FOXK2: variants seen among roughly 807,000 people sequenced by gnomAD.
FOXK2 encodes the protein forkhead box protein K2.
A neutral mutation model predicts 53.3 loss-of-function variants in FOXK2; 24 were observed. The observed-to-expected ratio is 0.45, with a 90% CI of 0.33 to 0.63. The LOEUF (loss-of-function observed/expected upper bound fraction) is 0.63. Among genes scored for constraint, FOXK2 ranks in the 30% least tolerant of loss-of-function variants. The pLI, the probability that FOXK2 is intolerant of heterozygous loss-of-function variation, is 0.03. For synonymous variants in FOXK2, 505 were observed against 407.1 expected (o/e 1.24, Z -2.89); for missense variants, 952 against 910.5 (o/e 1.05, Z -0.59).
chr17:82,528,525 A>G (rs1395281217), intron 1 of FOXK2, among the ~76,000 whole-genome samples: 1 of 152,050 alleles, frequency 6.6e-6, no homozygotes, highest in East Asian at 1.9e-4. Context: ...TTTCATGAGG[A>G]ATTTTTGAAT....
intron 4 of FOXK2, among the ~76,000 whole-genome samples, chr17:82,573,135 G>C (rs929374137): frequency 3.9e-5 from 6 of 152,072 alleles, no homozygotes; most frequent in Non-Finnish European, 8.8e-5. Context: ...AGAGGTTACA[G>C]ATATCTGTGA....
rs1308515066 is a variant in FOXK2, at chr17:82,586,547, G to GC, written c.1576+348dup. ...GAGACCACAGGGAGGTCAAAGGTAG[G>GC]CGGAGGGGAAAGGAGGAGAGGCTGC... is the stretch of plus-strand genomic sequence containing the variant. On this transcript the variant is annotated intron_variant, in intron 7 of 8. Transcript: ENST00000335255. Among the ~76,000 whole-genome samples, 614 of 84,158 alleles carry GC rather than the reference G, an allele frequency of 7.3e-3. 102 individuals are homozygous for GC. The highest frequency in any genetic ancestry group is 0.013 in the Admixed American group (118 of 9,232). 55.2% of individuals were successfully genotyped at this position (84,158 alleles called of 152,430 possible). A position where few individuals can be genotyped will look rare whatever the true frequency, so the allele number is the denominator to read the frequency against.
At position 82,586,007 on chromosome 17, in the gene FOXK2, G is replaced by A. The variant is rs776722780; in HGVS notation, c.1383G>A (p.Ser461=). 1.6e-5 allele frequency: 26 copies of A among 1,612,682 alleles called. No individual in the cohort carries two copies. Among genetic ancestry groups the A allele is most frequent in the Middle Eastern group, 1.6e-4 (1 of 6,084 alleles). The stretch of plus-strand genomic sequence containing the variant: ...CTGTGGCCACCCCAGTGACCACCTC[G>A]ACCTCCCAGCCACCCGTCGTGCAGA... The part of the protein sequence containing the change: ...TYTVATPVTT[S]TSQPPVVQTV... Residue 461 remains serine (S), a synonymous_variant, in exon 7 of 9, where the codon TCG becomes TCA. Transcript: ENST00000335255.
At chr17:82,542,408 G>C (rs185585469) in intron 1 of FOXK2, among the ~76,000 whole-genome samples, 5 of 151,962 alleles carry the variant, frequency 3.3e-5, no homozygotes, top group African/African-American at 1.2e-4. Context: ...CAGGTGATCC[G>C]CCCGTCTCTG....
rs188100567 is a variant in FOXK2 at position 82,581,816 on chromosome 17, G to T, written c.910-925G>T. 5.4e-3 allele frequency among the ~76,000 whole-genome samples: 827 copies of T among 152,180 alleles called. 3 individuals carry two copies. The highest frequency in any genetic ancestry group is 9.2e-3 in the Admixed American group (141 of 15,276). On this transcript the variant is annotated intron_variant, in intron 4 of 8. Transcript: ENST00000335255. ...GTAGAGACGGGGTTTCACCATGTTG[G>T]CCAGGCTGGCCTCAAACTCCTGACC... is the stretch of plus-strand genomic sequence containing the variant.
intron 1 of FOXK2, chr17:82,559,580 G>A (rs2044771059): frequency 4.6e-6 from 2 of 432,632 alleles, no homozygotes; most frequent in South Asian, 3.3e-5. Context: ...GGAGTCTAGG[G>A]TGGCTTTCAG....
intron 1 of FOXK2, among the ~76,000 whole-genome samples, chr17:82,551,700 A>T (rs2044678673): frequency 6.6e-6 from 1 of 152,142 alleles, no homozygotes; most frequent in South Asian, 2.1e-4. Context: ...TAAAAAACAT[A>T]AAAATTTGAG....
At chr17:82,569,646 CAT>C (rs542391273) in intron 3 of FOXK2, among the ~76,000 whole-genome samples, 34 of 152,076 alleles carry the variant, frequency 2.2e-4, no homozygotes, top group Non-Finnish European at 3.1e-4. Context: ...TTTTTAGAAA[CAT>C]AGAAAAAAAT....
rs575474483 is a variant in FOXK2 at position 82,583,267 on chromosome 17, G to A, written c.1103+333G>A. 4.6e-5 allele frequency among the ~76,000 whole-genome samples: 7 copies of A among 152,302 alleles called. No individual in the cohort carries two copies. In the East Asian group the frequency reaches 5.8e-4, roughly 13 times the overall value. ...GTTCTTTAAAACTACTTTTTAGGCC[G>A]GGCGCTGTGGCTCACGCCTGTAATC... On this transcript the variant is annotated intron_variant, in intron 5 of 8. Coordinates refer to ENST00000335255, the MANE Select transcript of FOXK2 (RefSeq NM_004514.4).
chr17:82,532,849 T>A (rs989730941), intron 1 of FOXK2, among the ~76,000 whole-genome samples: 4 of 152,248 alleles, frequency 2.6e-5, no homozygotes, highest in African/African-American at 9.6e-5. Flanking sequence ...ATTACAGGTG[T>A]GAGCCACCGC....
At position 82,519,816 on chromosome 17, in the gene FOXK2, C is replaced by A; in HGVS notation, c.-73C>A. 1.8e-6 allele frequency: 1 copy of A among 543,670 alleles called. No homozygotes were observed. The highest frequency in any genetic ancestry group is 2.3e-6 in the Non-Finnish European group (1 of 430,172). The allele number at this position is 543,670 out of a possible 1,614,324, so 33.7% of individuals were successfully genotyped here. On this transcript the variant is annotated 5_prime_UTR_variant, in exon 1 of 9. Coordinates refer to ENST00000335255, the MANE Select transcript of FOXK2 (RefSeq NM_004514.4). Reference sequence around the variant, plus strand: ...AGCTCCGGTGCGCGGCGGCCGACGACCCGCGCGGCCTGGGCCTCGGCCCGC... The same window carrying A: ...AGCTCCGGTGCGCGGCGGCCGACGAACCGCGCGGCCTGGGCCTCGGCCCGC...
Position 82,563,335 on chromosome 17 carries a change from G to A in FOXK2, c.420-19G>A. 6 of 1,606,382 alleles carry A rather than the reference G, an allele frequency of 3.7e-6. No individual in the cohort carries two copies. Among genetic ancestry groups the A allele is most frequent in the Non-Finnish European group, 5.1e-6 (6 of 1,176,068 alleles). On this transcript the variant is annotated intron_variant, in intron 1 of 8. Transcript: ENST00000335255. The stretch of plus-strand genomic sequence containing the variant: ...GCTGGAACAGCAAAAGGTGCTGATG[G>A]TGGGCTTTTCTTTTCCAGGTGCACA...
At chr17:82,541,494 G>C (rs543450647) in intron 1 of FOXK2, among the ~76,000 whole-genome samples, 1 of 152,066 alleles carries the variant, frequency 6.6e-6, no homozygotes, top group East Asian at 1.9e-4. Flanking sequence ...GGCTGGTCTC[G>C]AACTCCTGAC....
chr17:82,599,262 T>C (rs1039069078), intron 8 of FOXK2: 1 of 152,196 alleles, frequency 6.6e-6, no homozygotes, highest in East Asian at 1.9e-4. Context: ...CTTGCCCGGC[T>C]AATGTTTTTG....
chr17:82,540,776 C>G (rs929821738), intron 1 of FOXK2, among the ~76,000 whole-genome samples: 3 of 152,190 alleles, frequency 2.0e-5, no homozygotes, highest in Admixed American at 2.0e-4. Flanking sequence ...CTTGAATTCT[C>G]TAATTGTTTT....
At chr17:82,553,342 G>C (rs1237351587) in intron 1 of FOXK2, among the ~76,000 whole-genome samples, 1 of 152,246 alleles carries the variant, frequency 6.6e-6, no homozygotes, top group Admixed American at 6.5e-5. Flanking sequence ...GAGTCTGGGG[G>C]AAGCAGGGCC....
chr17:82,524,974 A>G (rs2044402246), intron 1 of FOXK2, among the ~76,000 whole-genome samples: 1 of 138,986 alleles, frequency 7.2e-6, no homozygotes, highest in East Asian at 2.1e-4. Context: ...TTTGAGGACA[A>G]GGTGGCTTTT....
chr17:82,587,040 C>G (rs374942897), intron 7 of FOXK2, 23 bp from the exon 8 acceptor site: 1 of 1,605,248 alleles, frequency 6.2e-7, no homozygotes, highest in South Asian at 1.1e-5. Flanking sequence ...ATATTAATGT[C>G]GTTTCTTTTC....
rs150675579 is a variant in FOXK2 at position 82,565,599 on chromosome 17, A to G, written c.614+2051A>G. ...TTAGGGAAATGCCAATCAAAACACAATGAGATCCCACCTCACACCCATTGG... is the reference window on the plus strand; with the variant it reads ...TTAGGGAAATGCCAATCAAAACACAGTGAGATCCCACCTCACACCCATTGG... On this transcript the variant is annotated intron_variant, in intron 2 of 8. Coordinates refer to ENST00000335255, the MANE Select transcript of FOXK2 (RefSeq NM_004514.4). 1.1e-4 allele frequency among the ~76,000 whole-genome samples: 16 copies of G among 152,338 alleles called. No individual in the cohort carries two copies. In the East Asian group the frequency reaches 2.1e-3, roughly 20 times the overall value.
Sources: gnomAD v4.1 joint callset for allele counts (sites outside exome capture counted in the v4.1 genomes callset) on GRCh38, gnomAD v4.1.1 for gene constraint, MANE v1.5 for transcripts, NCBI Gene and HGNC (gene_info 2026-07-23, HGNC 2026-07-21) for gene names.